Variants in PSG3 observed in about 807,000 individuals in gnomAD.
PSG3 encodes the protein pregnancy specific beta-1-glycoprotein 3.
In PSG3, 61 loss-of-function variants were observed where a neutral mutation model predicts 47.5. The observed-to-expected ratio is 1.28, with a 90% CI of 1.05 to 1.59. The LOEUF (loss-of-function observed/expected upper bound fraction) is 1.59. Ranked by LOEUF, PSG3 falls within the 40% of genes most tolerant of loss-of-function variation. The pLI is 0.00. For synonymous variants in PSG3, 263 were observed against 198.4 expected, an observed-to-expected ratio of 1.33 and a Z score of -2.74; for missense variants, 756 against 524.0, an observed-to-expected ratio of 1.44 and a Z score of -4.32.
intron 6 of PSG3, among the ~76,000 whole-genome samples, chr19:42,722,737 CA>C (rs1482287566): frequency 6.6e-6 from 1 of 151,808 alleles, no homozygotes; most frequent in Non-Finnish European, 1.5e-5. Flanking sequence ...TAAATAGGGC[CA>C]AAAAAGTATA....
intron 2 of PSG3, among the ~76,000 whole-genome samples, chr19:42,737,139 C>A (rs750938729): frequency 2.0e-5 from 3 of 152,042 alleles, no homozygotes; most frequent in Non-Finnish European, 4.4e-5. Flanking sequence ...AGTCCAGGAC[C>A]AAGGAGCCCT....
rs533341030 is a variant in PSG3 at position 42,729,686 on chromosome 19, T to C, written c.988+92A>G. The C allele has an allele frequency of 2.3e-5, 36 of 1,572,486 alleles. No individual in the cohort carries two copies. In the African/African-American group the frequency reaches 2.7e-4, roughly 12 times the overall value. On this transcript the variant is annotated intron_variant, in intron 4 of 6. Transcript: ENST00000327495. ...GGATGTCCAGAAGTAATGGTATCTA[T>C]ACTTGGACCAGAGAGAGAGTGAGAG...
In PSG3 at chr19:42,736,287, C is replaced by T. The variant is rs1454958716; in HGVS notation, c.430+2437G>A. 2.6e-5 allele frequency among the ~76,000 whole-genome samples: 4 copies of T among 152,274 alleles called. No individual in the cohort carries two copies. The South Asian group carries it at 8.3e-4, about 32-fold the overall frequency. On this transcript the variant is annotated intron_variant, in intron 2 of 6. Transcript: ENST00000327495. The stretch of plus-strand genomic sequence containing the variant: ...CACTATTGTAGAACGTGAGATTGGT[C>T]TTTTGAGATGTTTCTCATTCTTTTG...
At chr19:42,724,917 C>T (rs1174774005) in intron 5 of PSG3, among the ~76,000 whole-genome samples, 1 of 152,022 alleles carries the variant, frequency 6.6e-6, no homozygotes, top group African/African-American at 2.4e-5. Flanking sequence ...TTGAGGGGCA[C>T]TTCCTATGTG....
intron 5 of PSG3, among the ~76,000 whole-genome samples, chr19:42,727,302 ACTAT>A (rs1969392986): frequency 6.6e-6 from 1 of 152,340 alleles, no homozygotes; most frequent in East Asian, 1.9e-4. Flanking sequence ...ATCAAAGAAC[ACTAT>A]CAAGAAAGTA....
chr19:42,739,368 C>A lies in PSG3; in HGVS notation c.65-279G>T, dbSNP rs374411416. On this transcript the variant is annotated intron_variant, in intron 1 of 6. Coordinates refer to ENST00000327495, the MANE Select transcript of PSG3 (RefSeq NM_021016.4). Reference sequence around the variant, plus strand: ...TCCTCTTCCCCAGGGGTCCGCACGGCCCCCTCCACACTGCCCTCAGGTCCT... The same window carrying A: ...TCCTCTTCCCCAGGGGTCCGCACGGACCCCTCCACACTGCCCTCAGGTCCT... 17 of 452,092 alleles carry A rather than the reference C, an allele frequency of 3.8e-5. 1 individual carries two copies. In the East Asian group the frequency reaches 4.7e-4, roughly 12 times the overall value. The allele number at this position is 452,092 out of a possible 1,614,324, so 28.0% of individuals were successfully genotyped here.
At chr19:42,725,283 AT>A (rs1353897195) in intron 5 of PSG3, among the ~76,000 whole-genome samples, 4 of 152,210 alleles carry the variant, frequency 2.6e-5, no homozygotes, top group Non-Finnish European at 2.9e-5. Context: ...TGTGCAAGAA[AT>A]TTATAACTGT....
chr19:42,735,065 A>T (rs565940830), intron 2 of PSG3, among the ~76,000 whole-genome samples: 3 of 152,220 alleles, frequency 2.0e-5, no homozygotes, highest in Admixed American at 6.5e-5. Context: ...CAGGCAGTAA[A>T]GCCATCAGAT....
intron 5 of PSG3, among the ~76,000 whole-genome samples, chr19:42,725,903 A>G (rs1273627755): frequency 1.3e-5 from 2 of 150,964 alleles, no homozygotes; most frequent in Non-Finnish European, 3.0e-5. Context: ...AAAAAAAAAA[A>G]AAAAAAGAAA....
At chr19:42,726,099 A>T (rs1391584870) in intron 5 of PSG3, among the ~76,000 whole-genome samples, 3 of 152,140 alleles carry the variant, frequency 2.0e-5, no homozygotes. Flanking sequence ...GATGAAATTC[A>T]ATATTTTTTC....
chr19:42,734,538 A>G (rs1187163748), intron 2 of PSG3, among the ~76,000 whole-genome samples: 1 of 152,188 alleles, frequency 6.6e-6, no homozygotes, highest in Admixed American at 6.5e-5. Context: ...GAAACATTGA[A>G]ATGTTTTCAT....
At position 42,738,014 on chromosome 19, in the gene PSG3, A is replaced by G. The variant is rs118100275; in HGVS notation, c.430+710T>C. On this transcript the variant is annotated intron_variant, in intron 2 of 6. Coordinates refer to ENST00000327495, the MANE Select transcript of PSG3 (RefSeq NM_021016.4). ...GCCTGTGGACAAGCTGCTACCTGGT[A>G]TATCTTCTCTCCTCTGTTTCTGCTT... Among the ~76,000 whole-genome samples the G allele has an allele frequency of 1.8e-3, 277 of 152,302 alleles. 2 individuals carry two copies. Among genetic ancestry groups the G allele is most frequent in the Admixed American group, 3.8e-3 (58 of 15,302 alleles).
chr19:42,736,762 A>G (rs1969571033), intron 2 of PSG3, among the ~76,000 whole-genome samples: 1 of 152,154 alleles, frequency 6.6e-6, no homozygotes, highest in East Asian at 1.9e-4. Context: ...ACAAAGGGAA[A>G]GAGCCCTGGA....
intron 2 of PSG3, among the ~76,000 whole-genome samples, chr19:42,736,424 G>T (rs773951815): frequency 3.3e-5 from 5 of 152,018 alleles, no homozygotes; most frequent in Non-Finnish European, 7.4e-5. Context: ...CCCTCCGCCC[G>T]CATGATTCCA....
In PSG3 at chr19:42,738,916, T is replaced by C. The variant is rs781729195; in HGVS notation, c.238A>G (p.Thr80Ala). 6.2e-7 allele frequency: 1 copy of C among 1,613,910 alleles called. No homozygotes were observed. Among genetic ancestry groups the C allele is most frequent in the African/African-American group, 1.3e-5 (1 of 74,864 alleles). Residue 80 changes from threonine to alanine, a missense_variant, in exon 2 of 7, where the codon ACA becomes GCA. Coordinates refer to ENST00000327495, the MANE Select transcript of PSG3 (RefSeq NM_021016.4). Reference sequence around the variant, plus strand: ...ATTTGACCATCTACTACGTATGATGTAATGTAATGGTAGAGGTCCTTCATT... The same window carrying C: ...ATTTGACCATCTACTACGTATGATGCAATGTAATGGTAGAGGTCCTTCATT... The part of the protein sequence containing the change: ...GQMKDLYHYI[T>A]SYVVDGQIII...
At chr19:42,731,321 A>G (rs1969470011) in intron 3 of PSG3, among the ~76,000 whole-genome samples, 3 of 152,256 alleles carry the variant, frequency 2.0e-5, no homozygotes. Context: ...CAAATCTGAA[A>G]GACTCAAAAT....
intron 1 of PSG3, 81 bp downstream of exon 1, chr19:42,740,240 A>C (rs1600393904): frequency 1.9e-6 from 3 of 1,609,568 alleles, no homozygotes; most frequent in Non-Finnish European, 2.5e-6. Flanking sequence ...ATTTTTTAGA[A>C]CCCCAGGAGT....
intron 2 of PSG3, among the ~76,000 whole-genome samples, chr19:42,735,859 G>T (rs1405302124): frequency 1.3e-5 from 2 of 152,122 alleles, no homozygotes; most frequent in East Asian, 1.9e-4. Flanking sequence ...TGAGCCCATG[G>T]GGTTTGGGGA....
At position 42,732,802 on chromosome 19, in the gene PSG3, C is replaced by T. The variant is rs146352413; in HGVS notation, c.691G>A (p.Val231Ile). ...NPVSASRSDPVTLNLLPKLPK... is the reference protein window; with the variant it reads ...NPVSASRSDPITLNLLPKLPK... ...TACTCACGGAGGAGATTCAGGGTGACTGGGTCACTGCGGCTGGCACTCACT... is the reference window on the plus strand; with the variant it reads ...TACTCACGGAGGAGATTCAGGGTGATTGGGTCACTGCGGCTGGCACTCACT... Residue 231 changes from valine (V) to isoleucine (I), a missense_variant, in exon 3 of 7, where the codon GTC (valine) becomes ATC (isoleucine). Coordinates refer to ENST00000327495, the MANE Select transcript of PSG3 (RefSeq NM_021016.4). 1 of 1,614,110 alleles carries T rather than the reference C, an allele frequency of 6.2e-7. No individual in the cohort carries two copies. The highest frequency in any genetic ancestry group is 1.1e-5 in the South Asian group (1 of 91,074).
Sources: allele counts gnomAD v4.1 joint callset (sites outside exome capture counted in the v4.1 genomes callset), GRCh38; gene constraint gnomAD v4.1.1; transcripts MANE v1.5; gene names NCBI Gene and HGNC (gene_info 2026-07-23, HGNC 2026-07-21).